Variants in CNTNAP2 observed in about 807,000 individuals in gnomAD.
CNTNAP2 encodes contactin-associated protein-like 2.
In CNTNAP2, 98 loss-of-function variants were observed where a neutral mutation model predicts 155.2. The observed-to-expected ratio is 0.63, with a 90% CI of 0.54 to 0.75. CNTNAP2 has a LOEUF of 0.75. CNTNAP2 is among the 30% of genes least tolerant of loss of function. CNTNAP2 has a pLI of 0.00. For missense variants in CNTNAP2, 1,727 were observed against 1,688.1 expected, an observed-to-expected ratio of 1.02 and a Z score of -0.40; for synonymous variants, 651 against 631.2, an observed-to-expected ratio of 1.03 and a Z score of -0.47.
intron 3 of CNTNAP2, among the ~76,000 whole-genome samples, chr7:146,921,139 GA>G (rs2129220004): frequency 6.6e-6 from 1 of 152,240 alleles, no homozygotes; most frequent in East Asian, 1.9e-4. Context: ...AGCAGCAGAA[GA>G]GGTGGACTAC....
At chr7:146,347,283 T>G (rs1186607291) in intron 1 of CNTNAP2, among the ~76,000 whole-genome samples, 1 of 152,090 alleles carries the variant, frequency 6.6e-6, no homozygotes, top group Non-Finnish European at 1.5e-5. Context: ...AGGCAGAGAT[T>G]GAGGCAAGAA....
chr7:146,201,851 G>C (rs1390209985), intron 1 of CNTNAP2, among the ~76,000 whole-genome samples: 1 of 152,012 alleles, frequency 6.6e-6, no homozygotes, highest in Non-Finnish European at 1.5e-5. Context: ...AATATGCCAA[G>C]TTAGAGAAAC....
intron 3 of CNTNAP2, among the ~76,000 whole-genome samples, chr7:147,012,400 C>T (rs1009943738): frequency 3.9e-5 from 6 of 152,018 alleles, no homozygotes; most frequent in Non-Finnish European, 8.8e-5. Context: ...AAATGTGCTT[C>T]ATAGTATTCT....
intron 5 of CNTNAP2, among the ~76,000 whole-genome samples, chr7:147,117,225 A>G (rs77394686): frequency 0.018 from 2,767 of 152,174 alleles, 80 homozygotes; most frequent in African/African-American, 0.062. Flanking sequence ...TCTGTGCATG[A>G]TTGAGCAGTT....
intron 8 of CNTNAP2, among the ~76,000 whole-genome samples, chr7:147,225,918 G>A (rs1490584313): frequency 5.2e-5 from 6 of 115,926 alleles, no homozygotes; most frequent in South Asian, 2.6e-4. Context: ...AAGGAAGGAA[G>A]GAAAGAAGGA....
intron 13 of CNTNAP2, among the ~76,000 whole-genome samples, chr7:147,813,142 A>G (rs2116609801): frequency 6.6e-6 from 1 of 151,904 alleles, no homozygotes; most frequent in South Asian, 2.1e-4. Flanking sequence ...AAGCAAGTTC[A>G]GATGGGAGAT....
At chr7:146,243,033 GA>G (rs1347049920) in intron 1 of CNTNAP2, among the ~76,000 whole-genome samples, 1 of 150,158 alleles carries the variant, frequency 6.7e-6, no homozygotes, top group Non-Finnish European at 1.5e-5. Context: ...TTCTATTTTT[GA>G]AATTCTTTCT....
intron 1 of CNTNAP2, among the ~76,000 whole-genome samples, chr7:146,465,422 A>G (rs758058703): frequency 6.6e-6 from 1 of 152,126 alleles, no homozygotes; most frequent in African/African-American, 2.4e-5. Flanking sequence ...TTCTTCCTCC[A>G]TCTAAGTTCC....
intron 1 of CNTNAP2, among the ~76,000 whole-genome samples, chr7:146,176,901 C>T: frequency 6.6e-6 from 1 of 152,130 alleles, no homozygotes; most frequent in East Asian, 1.9e-4. Flanking sequence ...CTAGCTATAG[C>T]CACAAGTGGC....
At chr7:147,589,667 A>G (rs1362129113) in intron 12 of CNTNAP2, among the ~76,000 whole-genome samples, 1 of 152,148 alleles carries the variant, frequency 6.6e-6, no homozygotes, top group Non-Finnish European at 1.5e-5. Flanking sequence ...TGCCTGTATC[A>G]TAGTGTATTT....
chr7:148,320,376 CTTTTTTTTTTT>C (rs67424217), intron 21 of CNTNAP2, among the ~76,000 whole-genome samples: 3 of 63,384 alleles, frequency 4.7e-5, no homozygotes, highest in African/African-American at 1.1e-4. Context: ...ATTTTTTTTT[CTTTTTTTTTTT>C]TTTTTTTTTT....
chr7:147,334,853 G>A (rs530511698), intron 9 of CNTNAP2, among the ~76,000 whole-genome samples: 1 of 152,206 alleles, frequency 6.6e-6, no homozygotes, highest in African/African-American at 2.4e-5. Context: ...GATACATATA[G>A]GGATATTCTC....
intron 13 of CNTNAP2, among the ~76,000 whole-genome samples, chr7:147,789,182 C>T (rs1324570957): frequency 2.6e-5 from 4 of 152,140 alleles, no homozygotes; most frequent in Non-Finnish European, 2.9e-5. Flanking sequence ...GCTGGGATTA[C>T]AGGCGTGAGC....
chr7:146,243,670 G>T (rs1584822580), intron 1 of CNTNAP2, among the ~76,000 whole-genome samples: 1 of 152,010 alleles, frequency 6.6e-6, no homozygotes, highest in Non-Finnish European at 1.5e-5. Context: ...TAACTTAATG[G>T]TTTTTTAATC....
chr7:147,743,359 A>G (rs1449088002), intron 13 of CNTNAP2, among the ~76,000 whole-genome samples: 1 of 152,196 alleles, frequency 6.6e-6, no homozygotes, highest in Non-Finnish European at 1.5e-5. Flanking sequence ...AATTGTAGAG[A>G]AGCTCATCTT....
intron 1 of CNTNAP2, among the ~76,000 whole-genome samples, chr7:146,618,127 G>T (rs1799257283): frequency 6.6e-6 from 1 of 152,114 alleles, no homozygotes; most frequent in Non-Finnish European, 1.5e-5. Context: ...TCACTGCTCA[G>T]CGTGGGGTAG....
intron 9 of CNTNAP2, among the ~76,000 whole-genome samples, chr7:147,347,492 GCATATA>G (rs1795897279): frequency 4.4e-5 from 4 of 89,988 alleles, no homozygotes; most frequent in African/African-American, 7.2e-5. Flanking sequence ...ATATATATAT[GCATATA>G]TATGTGTGTG....
intron 18 of CNTNAP2, among the ~76,000 whole-genome samples, chr7:148,179,155 A>C (rs891564563): frequency 2.0e-5 from 3 of 152,122 alleles, no homozygotes; most frequent in African/African-American, 7.2e-5. Flanking sequence ...TCAAGAACCA[A>C]GTTGGGTCAC....
chr7:148,318,398 G>T (rs1159295387), intron 21 of CNTNAP2, among the ~76,000 whole-genome samples: 2 of 152,186 alleles, frequency 1.3e-5, no homozygotes, highest in Non-Finnish European at 2.9e-5. Context: ...TGTGAAGCGT[G>T]TGTGATTTTT....
Sources: allele counts gnomAD v4.1 joint callset (sites outside exome capture counted in the v4.1 genomes callset), GRCh38; gene constraint gnomAD v4.1.1; transcripts MANE v1.5; gene names NCBI Gene and HGNC (gene_info 2026-07-23, HGNC 2026-07-21).